PNPT1: variants seen among roughly 807,000 people sequenced by gnomAD.
The protein encoded by PNPT1 is polyribonucleotide nucleotidyltransferase 1.
PNPT1 carries 53 observed loss-of-function variants against 119.5 expected under a neutral mutation model. The ratio of observed to expected loss-of-function variants is 0.44; its 90% CI spans 0.36 to 0.56. The LOEUF is 0.56. Ranked by LOEUF, PNPT1 falls within the 20% of genes least tolerant of loss-of-function variation. The pLI is 0.00. For synonymous variants in PNPT1, 357 were observed against 322.1 expected (o/e 1.11, Z -1.16); for missense variants, 948 against 938.5 (o/e 1.01, Z -0.13).
At chr2:55,644,317 AT>A (rs1329818914) in intron 23 of PNPT1, among the ~76,000 whole-genome samples, 1 of 152,216 alleles carries the variant, frequency 6.6e-6, no homozygotes, top group Non-Finnish European at 1.5e-5. Flanking sequence ...AAGTAGCAGA[AT>A]AAAAAGAAAT....
At chr2:55,637,047 T>C (rs1292083999) in intron 27 of PNPT1, among the ~76,000 whole-genome samples, 1 of 152,190 alleles carries the variant, frequency 6.6e-6, no homozygotes, top group Non-Finnish European at 1.5e-5. Flanking sequence ...TGAAAGACAA[T>C]GTGGTGGAGC....
intron 18 of PNPT1, among the ~76,000 whole-genome samples, chr2:55,649,979 G>A (rs969182516): frequency 1.3e-5 from 2 of 152,158 alleles, no homozygotes; most frequent in African/African-American, 4.8e-5. Flanking sequence ...ACTCCTTAGC[G>A]TAACAATAAC....
In PNPT1 at chr2:55,643,443, T is replaced by TA. The variant is rs778230905; in HGVS notation, c.1907-19dup. On this transcript the variant is annotated intron_variant, in intron 23 of 27. Transcript: ENST00000447944. ...AGTTACACCTTTTAAAAACAAAATG[T>TA]AACATATTAAAGTTAACTTGGCTGG... The TA allele has an allele frequency of 6.2e-7, 1 of 1,605,984 alleles. No individual in the cohort carries two copies. Among genetic ancestry groups the TA allele is most frequent in the African/African-American group, 1.3e-5 (1 of 74,714 alleles).
intron 14 of PNPT1, among the ~76,000 whole-genome samples, chr2:55,660,667 A>G (rs1696536851): frequency 6.6e-6 from 1 of 152,232 alleles, no homozygotes; most frequent in Non-Finnish European, 1.5e-5. Context: ...GGACTAAAGG[A>G]ATCACAGATT....
rs1167654692 is a variant in PNPT1 at position 55,635,212 on chromosome 2, A to G, written c.*1025T>C. The G allele has an allele frequency of 2.6e-5, 4 of 152,240 alleles. No homozygotes were observed. Among genetic ancestry groups the G allele is most frequent in the African/African-American group, 9.6e-5 (4 of 41,452 alleles). The allele number at this position is 152,240 out of a possible 1,614,324, so 9.4% of individuals were successfully genotyped here. A position where few individuals can be genotyped will look rare whatever the true frequency, so the allele number is the denominator to read the frequency against. On this transcript the variant is annotated 3_prime_UTR_variant, in exon 28 of 28. Transcript: ENST00000447944. Reference sequence around the variant, plus strand: ...CTCTAAACATCTATTTCAAACATCTATTAACCGAAAGTCATGATCCTTCAG... The same window carrying G: ...CTCTAAACATCTATTTCAAACATCTGTTAACCGAAAGTCATGATCCTTCAG...
intron 1 of PNPT1, among the ~76,000 whole-genome samples, chr2:55,692,318 T>C (rs1697642847): frequency 6.6e-6 from 1 of 152,188 alleles, no homozygotes; most frequent in African/African-American, 2.4e-5. Flanking sequence ...CTCCACACTT[T>C]GCACAAGAAA....
At chr2:55,669,843 C>T (rs562157813) in intron 11 of PNPT1, among the ~76,000 whole-genome samples, 11 of 150,930 alleles carry the variant, frequency 7.3e-5, no homozygotes, top group Non-Finnish European at 1.2e-4. Context: ...ACTACAACCT[C>T]TGCCTAACAG....
chr2:55,644,691 C>A lies in PNPT1; in HGVS notation c.1852G>T (p.Ala618Ser), dbSNP rs1442468483. 6.2e-7 allele frequency: 1 copy of A among 1,612,234 alleles called. No individual in the cohort carries two copies. Among genetic ancestry groups the A allele is most frequent in the Non-Finnish European group, 8.5e-7 (1 of 1,178,742 alleles). ...ETVQVPLSKR[A>S]KFVGPGGYNL... is the part of the protein sequence containing the mutation. ...TAGCCACCAGGTCCAACAAATTTTG[C>A]TCGTTTTGATAATGGAACCTGAACA... Residue 618 changes from alanine (A) to serine (S), a missense_variant, in exon 23 of 28, where the codon GCA (alanine) becomes TCA (serine). Coordinates refer to ENST00000447944, the MANE Select transcript of PNPT1 (RefSeq NM_033109.5).
At chr2:55,657,463 A>G (rs1434182846) in intron 15 of PNPT1, among the ~76,000 whole-genome samples, 2 of 150,290 alleles carry the variant, frequency 1.3e-5, no homozygotes, top group Admixed American at 1.3e-4. Flanking sequence ...ATCTCGGCTC[A>G]CTGCAACCTC....
chr2:55,685,132 G>A, intron 3 of PNPT1, 84 bp from the exon 4 acceptor site: 6 of 986,972 alleles, frequency 6.1e-6, no homozygotes, highest in Non-Finnish European at 8.6e-6. Flanking sequence ...TCCTGAGGTT[G>A]CTAACAACAC....
intron 8 of PNPT1, among the ~76,000 whole-genome samples, chr2:55,679,060 G>C (rs756857255): frequency 3.9e-5 from 6 of 152,150 alleles, no homozygotes; most frequent in Non-Finnish European, 5.9e-5. Flanking sequence ...GGCAGAGACA[G>C]GTTTCAAATC....
At chr2:55,675,166 G>A (rs1388884013) in intron 8 of PNPT1, among the ~76,000 whole-genome samples, 1 of 152,104 alleles carries the variant, frequency 6.6e-6, no homozygotes, top group African/African-American at 2.4e-5. Flanking sequence ...TATTCTAGAG[G>A]CTGAGGCAGG....
intron 18 of PNPT1, among the ~76,000 whole-genome samples, chr2:55,652,500 G>A (rs2104060209): frequency 6.6e-6 from 1 of 152,122 alleles, no homozygotes; most frequent in East Asian, 1.9e-4. Flanking sequence ...ATTTTTACTG[G>A]CAGGCCAGTG....
At chr2:55,636,753 AG>A (rs1695687760) in intron 27 of PNPT1, among the ~76,000 whole-genome samples, 1 of 152,224 alleles carries the variant, frequency 6.6e-6, no homozygotes, top group African/African-American at 2.4e-5. Context: ...GATTATGCTT[AG>A]GTCACTTGGA....
chr2:55,666,475 A>G (rs1696737353), intron 13 of PNPT1, among the ~76,000 whole-genome samples: 1 of 152,174 alleles, frequency 6.6e-6, no homozygotes, highest in East Asian at 1.9e-4. Flanking sequence ...AAGTTACCAA[A>G]TCATACATTT....
At chr2:55,683,389 C>A (rs545567158) in intron 5 of PNPT1, among the ~76,000 whole-genome samples, 3 of 151,970 alleles carry the variant, frequency 2.0e-5, no homozygotes, top group Admixed American at 2.0e-4. Flanking sequence ...CCGAGGGGGG[C>A]GGATCACAAG....
chr2:55,644,171 G>T (rs1046342584), intron 23 of PNPT1, among the ~76,000 whole-genome samples: 1 of 152,170 alleles, frequency 6.6e-6, no homozygotes, highest in Non-Finnish European at 1.5e-5. Context: ...TGGCTAAGGT[G>T]ACAGTGCTTC....
intron 18 of PNPT1, among the ~76,000 whole-genome samples, chr2:55,651,015 C>T (rs1178718383): frequency 2.0e-5 from 3 of 147,358 alleles, no homozygotes; most frequent in African/African-American, 7.5e-5. Flanking sequence ...CCGGCCGCCC[C>T]TACTGGGAAG....
intron 1 of PNPT1, among the ~76,000 whole-genome samples, chr2:55,691,197 G>A (rs1697588629): frequency 6.6e-6 from 1 of 152,174 alleles, no homozygotes; most frequent in African/African-American, 2.4e-5. Context: ...TTAGCATTTT[G>A]CCCACTGTGG....
Sources: allele counts gnomAD v4.1 joint callset (sites outside exome capture counted in the v4.1 genomes callset), GRCh38; gene constraint gnomAD v4.1.1; transcripts MANE v1.5; gene names NCBI Gene and HGNC (gene_info 2026-07-23, HGNC 2026-07-21).